KCNIP4: variants seen among roughly 807,000 people sequenced by gnomAD.
The protein encoded by KCNIP4 is potassium voltage-gated channel interacting protein 4.
Under a neutral mutation model 34.0 loss-of-function variants are expected in KCNIP4, and 12 were observed. That is an observed-to-expected ratio of 0.35 (90% CI 0.23 to 0.57). KCNIP4 has a LOEUF of 0.57. KCNIP4 is among the 20% of genes least tolerant of loss of function. The pLI is 0.83. For synonymous variants in KCNIP4, 124 were observed against 102.2 expected, an observed-to-expected ratio of 1.21 and a Z score of -1.29; for missense variants, 238 against 311.7, an observed-to-expected ratio of 0.76 and a Z score of 1.78.
intron 1 of KCNIP4, among the ~76,000 whole-genome samples, chr4:21,428,950 G>A (rs989476510): frequency 5.9e-5 from 9 of 152,018 alleles, no homozygotes; most frequent in African/African-American, 2.2e-4. Context: ...TGGTATACTG[G>A]TTACAATGGA....
chr4:21,931,114 C>T (rs1487009197), intron 1 of KCNIP4, among the ~76,000 whole-genome samples: 1 of 152,072 alleles, frequency 6.6e-6, no homozygotes, highest in African/African-American at 2.4e-5. Flanking sequence ...ACTAATCTTA[C>T]TGTGGTAGCT....
chr4:20,864,548 G>T (rs1722674282), intron 2 of KCNIP4, among the ~76,000 whole-genome samples: 1 of 151,954 alleles, frequency 6.6e-6, no homozygotes, highest in African/African-American at 2.4e-5. Flanking sequence ...ATGGAGTCTG[G>T]GAAGTCTGGT....
At chr4:20,956,489 T>A (rs774997775) in intron 1 of KCNIP4, among the ~76,000 whole-genome samples, 5 of 139,832 alleles carry the variant, frequency 3.6e-5, no homozygotes, top group Admixed American at 7.5e-5. Context: ...TGGGCGACAG[T>A]GCAAGACTTC....
In KCNIP4 at chr4:21,425,851, A is replaced by G. The variant is rs1364911420; in HGVS notation, c.61+522720T>C. ...GATCGCTTAAGCCCAGGATATTGAT[A>G]CCAGCCTAGGTAATATAGCAGGACC... On this transcript the variant is annotated intron_variant, in intron 1 of 8. Transcript: ENST00000382152. 2.0e-5 allele frequency among the ~76,000 whole-genome samples: 3 copies of G among 152,128 alleles called. No homozygotes were observed. The South Asian group carries it at 6.2e-4, about 32-fold the overall frequency.
At chr4:21,202,012 A>G (rs955774318) in intron 1 of KCNIP4, among the ~76,000 whole-genome samples, 1 of 152,224 alleles carries the variant, frequency 6.6e-6, no homozygotes, top group East Asian at 1.9e-4. Context: ...CTTATGCACT[A>G]TTGGTGGGAA....
rs10015749 is a variant in KCNIP4, at chr4:21,400,937, G to A, written c.62-518228C>T. Among the ~76,000 whole-genome samples, 429 of 152,018 alleles carry A rather than the reference G, an allele frequency of 2.8e-3. 4 individuals are homozygous for A. The highest frequency in any genetic ancestry group is 4.8e-3 in the Non-Finnish European group (329 of 67,996). ...GCACTTTGGGAGGCCAAAGTGGGAG[G>A]ATCACTTGAGGTCAGGAGTTTGTGA... is the stretch of plus-strand genomic sequence containing the variant. On this transcript the variant is annotated intron_variant, in intron 1 of 8. Coordinates refer to ENST00000382152, the MANE Select transcript of KCNIP4 (RefSeq NM_025221.6).
chr4:21,797,402 C>A lies in KCNIP4; in HGVS notation c.61+151169G>T, dbSNP rs1720693828. ...TCAAGTTATCCTCCTGCCTCAGCCT[C>A]CCAAAGTGCTGGAATTACAGGTATG... On this transcript the variant is annotated intron_variant, in intron 1 of 8. Transcript: ENST00000382152. 2.6e-5 allele frequency among the ~76,000 whole-genome samples: 4 copies of A among 152,110 alleles called. 1 individual carries two copies.
chr4:20,863,965 CATAT>C (rs1184265129), intron 2 of KCNIP4, among the ~76,000 whole-genome samples: 2 of 149,348 alleles, frequency 1.3e-5, no homozygotes, highest in Admixed American at 1.3e-4. Flanking sequence ...CACACACATA[CATAT>C]ACATATATAC....
chr4:21,455,764 C>T (rs1007514961), intron 1 of KCNIP4, among the ~76,000 whole-genome samples: 26 of 141,030 alleles, frequency 1.8e-4, no homozygotes, highest in African/African-American at 6.2e-4. Context: ...GTTCCTCTCC[C>T]TATATATGTA....
intron 1 of KCNIP4, among the ~76,000 whole-genome samples, chr4:21,240,727 C>G (rs974871757): frequency 1.3e-5 from 2 of 152,160 alleles, no homozygotes; most frequent in Non-Finnish European, 2.9e-5. Context: ...GGAAAAATTA[C>G]CTCCTAATAG....
chr4:20,864,147 C>T (rs549498813), intron 2 of KCNIP4, among the ~76,000 whole-genome samples: 24 of 126,008 alleles, frequency 1.9e-4, no homozygotes, highest in Non-Finnish European at 4.2e-4. Flanking sequence ...TATACATATC[C>T]ATGTATGCAT....
At position 21,156,741 on chromosome 4, in the gene KCNIP4, T is replaced by C. The variant is rs530184110; in HGVS notation, c.62-274032A>G. ...TTAACCATTGCCCAATATCATCATC[T>C]TTTTATATAAATTTGTAAAAGTGGT... On this transcript the variant is annotated intron_variant, in intron 1 of 8. Transcript: ENST00000382152. 3.3e-5 allele frequency among the ~76,000 whole-genome samples: 5 copies of C among 152,278 alleles called. No homozygotes were observed. In the East Asian group the frequency reaches 9.6e-4, roughly 29 times the overall value.
chr4:21,240,476 C>T (rs1300259725), intron 1 of KCNIP4, among the ~76,000 whole-genome samples: 1 of 151,974 alleles, frequency 6.6e-6, no homozygotes, highest in Non-Finnish European at 1.5e-5. Context: ...GATAACAGAC[C>T]CCATGTAGCA....
At chr4:21,176,411 T>C (rs1754412843) in intron 1 of KCNIP4, among the ~76,000 whole-genome samples, 1 of 152,076 alleles carries the variant, frequency 6.6e-6, no homozygotes, top group African/African-American at 2.4e-5. Flanking sequence ...TAAAATAAAT[T>C]GGGGCCATAT....
intron 1 of KCNIP4, chr4:21,697,713 C>A: frequency 8.3e-7 from 1 of 1,208,880 alleles, no homozygotes; most frequent in Non-Finnish European, 1.0e-6. Context: ...GACAGGCTGC[C>A]GGTTCACACT....
chr4:20,917,189 C>A (rs1728939579), intron 1 of KCNIP4, among the ~76,000 whole-genome samples: 1 of 151,134 alleles, frequency 6.6e-6, no homozygotes, highest in African/African-American at 2.4e-5. Flanking sequence ...AGGCACCCAC[C>A]ACCACGCCCA....
intron 1 of KCNIP4, among the ~76,000 whole-genome samples, chr4:21,000,550 T>G (rs1021742828): frequency 2.6e-5 from 4 of 152,056 alleles, no homozygotes; most frequent in Non-Finnish European, 5.9e-5. Flanking sequence ...CCAGGTGTGG[T>G]GGTGCATGCC....
intron 1 of KCNIP4, among the ~76,000 whole-genome samples, chr4:21,076,835 G>A (rs1406179141): frequency 1.3e-5 from 2 of 152,108 alleles, no homozygotes; most frequent in South Asian, 2.1e-4. Context: ...AAAAAGAAGT[G>A]TTGGGGGCTG....
intron 1 of KCNIP4, chr4:21,656,572 C>T (rs1459722510): frequency 6.6e-6 from 1 of 152,272 alleles, no homozygotes; most frequent in Admixed American, 6.5e-5. Context: ...AATAGGTATA[C>T]AGCCTGTTTG....
Sources: gnomAD v4.1 joint callset for allele counts (sites outside exome capture counted in the v4.1 genomes callset) on GRCh38, gnomAD v4.1.1 for gene constraint, MANE v1.5 for transcripts, NCBI Gene and HGNC (gene_info 2026-07-23, HGNC 2026-07-21) for gene names.